The following RAP1GAP variants were observed in gnomAD, a reference collection of about 807,000 sequenced individuals.
The protein encoded by RAP1GAP is rap1 GTPase-activating protein 1.
Under a neutral mutation model 87.2 loss-of-function variants are expected in RAP1GAP, and 35 were observed. The ratio of observed to expected loss-of-function variants is 0.40; its 90% CI spans 0.31 to 0.53. The LOEUF (loss-of-function observed/expected upper bound fraction) is 0.53. Among genes scored for constraint, RAP1GAP ranks in the 20% least tolerant of loss-of-function variants. The pLI, the probability that RAP1GAP is intolerant of heterozygous loss-of-function variation, is 0.48. For missense variants in RAP1GAP, 734 were observed against 898.9 expected, an observed-to-expected ratio of 0.82 and a Z score of 2.35; for synonymous variants, 375 against 363.9, an observed-to-expected ratio of 1.03 and a Z score of -0.35.
intron 1 of RAP1GAP, among the ~76,000 whole-genome samples, chr1:21,652,862 G>A (rs1398111477): frequency 1.3e-5 from 2 of 152,082 alleles, no homozygotes; most frequent in Non-Finnish European, 2.9e-5. Context: ...CCCCCATAGA[G>A]GGAGAGATCC....
rs1206967368 is a variant in RAP1GAP at position 21,620,063 on chromosome 1, CAG to C, written c.-18-15_-18-14del. 7 of 1,613,800 alleles carry C rather than the reference CAG, an allele frequency of 4.3e-6. No individual in the cohort carries two copies. Among genetic ancestry groups the C allele is most frequent in the Non-Finnish European group, 5.9e-6 (7 of 1,179,866 alleles). ...ATAGATCTGTGTTCTGCAACAGAGACAGGGGAGAGCGAGGTCAGCTGATCCCG... is the reference window on the plus strand; with the variant it reads ...ATAGATCTGTGTTCTGCAACAGAGACGGGAGAGCGAGGTCAGCTGATCCCG... On this transcript the variant is annotated splice_polypyrimidine_tract_variant and intron_variant, in intron 3 of 24. Coordinates refer to ENST00000374765, the MANE Select transcript of RAP1GAP (RefSeq NM_002885.4).
Position 21,624,885 on chromosome 1 carries a change from AG to A in RAP1GAP, c.-19+1418del, listed in dbSNP as rs537053550. 6.6e-5 allele frequency among the ~76,000 whole-genome samples: 10 copies of A among 152,188 alleles called. No individual in the cohort carries two copies. The South Asian group carries it at 2.1e-3, about 32-fold the overall frequency. ...TCTCCTGATGGGAAGACTGAGGCCC[AG>A]GGAGGGGAAGCTGTGGTCCGAGGGC... On this transcript the variant is annotated intron_variant, in intron 3 of 24. Transcript: ENST00000374765.
rs1265312771 is a variant in RAP1GAP, at chr1:21,622,770, G to A, written c.-18-2720C>T. Among the ~76,000 whole-genome samples, 2 of 151,926 alleles carry A rather than the reference G, an allele frequency of 1.3e-5. No homozygotes were observed. The highest frequency in any genetic ancestry group is 2.9e-5 in the Non-Finnish European group (2 of 67,948). Reference sequence around the variant, plus strand: ...CCCCCCACTCGGTTCTCCCCAGCGCGCCCCCACCTCACTTTCTCCATCTTC... The same window carrying A: ...CCCCCCACTCGGTTCTCCCCAGCGCACCCCCACCTCACTTTCTCCATCTTC... On this transcript the variant is annotated intron_variant, in intron 3 of 24. Coordinates refer to ENST00000374765, the MANE Select transcript of RAP1GAP (RefSeq NM_002885.4). The surrounding 1 kb of genome is among the most constrained non-coding windows in gnomAD (Gnocchi z 5.7).
intron 1 of RAP1GAP, among the ~76,000 whole-genome samples, chr1:21,666,806 C>T (rs2152432027): frequency 6.6e-6 from 1 of 152,088 alleles, no homozygotes; most frequent in South Asian, 2.1e-4. Context: ...CGTGTTCTTC[C>T]TGCATGCGCG....
Position 21,634,665 on chromosome 1 carries a change from C to T in RAP1GAP, c.-112-8268G>A, listed in dbSNP as rs2094398990. 3.4e-6 allele frequency: 1 copy of T among 293,452 alleles called. No homozygotes were observed. The highest frequency in any genetic ancestry group is 7.5e-6 in the Non-Finnish European group (1 of 132,496). The allele number at this position is 293,452 out of a possible 1,614,324, so 18.2% of individuals were successfully genotyped here. A position where few individuals can be genotyped will look rare whatever the true frequency, so the allele number is the denominator to read the frequency against. On this transcript the variant is annotated intron_variant, in intron 2 of 24. Transcript: ENST00000374765. This position sits in a 1 kb window ranked among gnomAD's most constrained non-coding sequence, Gnocchi z 4.1. ...ATCCCGGAGCTGGGCCAGGCAGAGG[C>T]CTCCTGAACAAATAACAGGTTGGCA...
Position 21,610,093 on chromosome 1 carries a change from C to A in RAP1GAP, c.999+27G>T, listed in dbSNP as rs1396279029. 8.7e-6 allele frequency: 14 copies of A among 1,610,354 alleles called. No individual in the cohort carries two copies. The East Asian group carries it at 1.8e-4, about 21-fold the overall frequency. ...GCTGCAGCCAGGGCCCTTGCTGATGCCCCTGGGAGGCTCCAAGAGCGCCCA... is the reference window on the plus strand; with the variant it reads ...GCTGCAGCCAGGGCCCTTGCTGATGACCCTGGGAGGCTCCAAGAGCGCCCA... On this transcript the variant is annotated intron_variant, in intron 14 of 24. Transcript: ENST00000374765.
intron 2 of RAP1GAP, among the ~76,000 whole-genome samples, chr1:21,642,295 C>T (rs1251369999): frequency 6.6e-5 from 10 of 152,250 alleles, no homozygotes; most frequent in Admixed American, 6.5e-4. Flanking sequence ...TAACCATGAC[C>T]GCGATGATGG....
chr1:21,644,882 CAG>C (rs2095869761), intron 2 of RAP1GAP, among the ~76,000 whole-genome samples: 1 of 119,518 alleles, frequency 8.4e-6, no homozygotes, highest in Admixed American at 1.0e-4. Context: ...GCCTGGGTAA[CAG>C]AGTGAGACCC....
chr1:21,669,215 C>G lies in RAP1GAP; in HGVS notation c.-149+39G>C, dbSNP rs2097503190. On this transcript the variant is annotated intron_variant, in intron 1 of 24. Transcript: ENST00000374765. This position sits in a 1 kb window ranked among gnomAD's most constrained non-coding sequence, Gnocchi z 5.6. ...GGAGTCTGGACACCTCTGTCCCCTTCCCCTTTCCAGGGCCGCAGCCCTGGC... is the reference window on the plus strand; with the variant it reads ...GGAGTCTGGACACCTCTGTCCCCTTGCCCTTTCCAGGGCCGCAGCCCTGGC... 8.0e-7 allele frequency: 1 copy of G among 1,252,652 alleles called. No individual in the cohort carries two copies. Among genetic ancestry groups the G allele is most frequent in the South Asian group, 1.3e-5 (1 of 78,256 alleles). 77.6% of individuals were successfully genotyped at this position (1,252,652 alleles called of 1,614,324 possible).
At chr1:21,650,918 C>A (rs963244856) in intron 1 of RAP1GAP, among the ~76,000 whole-genome samples, 25 of 151,948 alleles carry the variant, frequency 1.6e-4, no homozygotes, top group African/African-American at 5.8e-4. Flanking sequence ...TCAGAGAACA[C>A]TGACCATGCC....
At position 21,649,699 on chromosome 1, in the gene RAP1GAP, G is replaced by T. The variant is rs2096402882; in HGVS notation, c.-113+62C>A. On this transcript the variant is annotated intron_variant, in intron 2 of 24. Transcript: ENST00000374765. ...GGCATCGCAGGGGTAGGAATGGATT[G>T]GGGGTATCTGCAGGGACCAGCCAAG... The T allele has an allele frequency of 2.7e-6, 4 of 1,495,114 alleles. No homozygotes were observed. In the South Asian group the frequency reaches 4.8e-5, roughly 18 times the overall value. The allele number at this position is 1,495,114 out of a possible 1,614,324, so 92.6% of individuals were successfully genotyped here.
Position 21,603,945 on chromosome 1 carries a change from G to T in RAP1GAP, c.1429-1032C>A. On this transcript the variant is annotated intron_variant, in intron 18 of 24. Coordinates refer to ENST00000374765, the MANE Select transcript of RAP1GAP (RefSeq NM_002885.4). This position sits in a 1 kb window ranked among gnomAD's most constrained non-coding sequence, Gnocchi z 6.0. ...GCAGCAGAGGGCGGGGGCAGAGAGAGAGAGACAGAGAGAGAGTCAGAGAGC... is the reference window on the plus strand; with the variant it reads ...GCAGCAGAGGGCGGGGGCAGAGAGATAGAGACAGAGAGAGAGTCAGAGAGC... The T allele has an allele frequency of 7.0e-7, 1 of 1,430,262 alleles. No individual in the cohort carries two copies. Among genetic ancestry groups the T allele is most frequent in the Non-Finnish European group, 9.5e-7 (1 of 1,055,452 alleles). 88.6% of individuals were successfully genotyped at this position (1,430,262 alleles called of 1,614,324 possible). A position where few individuals can be genotyped will look rare whatever the true frequency, so the allele number is the denominator to read the frequency against.
intron 19 of RAP1GAP, 52 bp from the exon 20 acceptor site, chr1:21,601,849 G>A: frequency 7.4e-7 from 1 of 1,354,142 alleles, no homozygotes; most frequent in Non-Finnish European, 1.0e-6. Context: ...CCTGGCATCA[G>A]GCGTAGCGTG....
At position 21,608,874 on chromosome 1, in the gene RAP1GAP, C is replaced by A; in HGVS notation, c.1134G>T (p.Lys378Asn). Reference sequence around the variant, plus strand: ...CCTCCAGTTTGGCAAACTTCTCTGCCTTGTAGCAGGCATATTCAGCATTGA... The same window carrying A: ...CCTCCAGTTTGGCAAACTTCTCTGCATTGTAGCAGGCATATTCAGCATTGA... ...KLINAEYACY[K>N]AEKFAKLEER... The change falls in exon 16 of 25, where the codon AAG (lysine) becomes AAT (asparagine). Residue 378 changes from lysine to asparagine, a missense_variant. Around this residue, in one of 2 missense-constraint regions of RAP1GAP, gnomAD observed 485 missense variants for 646.2 expected, o/e 0.75. Transcript: ENST00000374765. The A allele has an allele frequency of 6.2e-7, 1 of 1,614,158 alleles. No homozygotes were observed. Among genetic ancestry groups the A allele is most frequent in the Admixed American group, 1.7e-5 (1 of 60,034 alleles).
intron 20 of RAP1GAP, among the ~76,000 whole-genome samples, chr1:21,600,680 A>G (rs1461914504): frequency 2.0e-5 from 3 of 152,004 alleles, no homozygotes; most frequent in African/African-American, 7.2e-5. Flanking sequence ...AGATCGGGAG[A>G]TCAAGACCAT....
At position 21,634,618 on chromosome 1, in the gene RAP1GAP, G is replaced by A. The variant is rs1214423044; in HGVS notation, c.-112-8221C>T. Reference sequence around the variant, plus strand: ...GGGGCCGCCACCCTCGCCCCATGCTGGCTGCATGCCGAGACACCCGGATCC... The same window carrying A: ...GGGGCCGCCACCCTCGCCCCATGCTAGCTGCATGCCGAGACACCCGGATCC... On this transcript the variant is annotated intron_variant, in intron 2 of 24. Transcript: ENST00000374765. The surrounding 1 kb of genome is among the most constrained non-coding windows in gnomAD (Gnocchi z 4.1). The A allele has an allele frequency of 9.1e-6, 2 of 219,680 alleles. No individual in the cohort carries two copies. Among genetic ancestry groups the A allele is most frequent in the Admixed American group, 9.2e-5 (2 of 21,784 alleles). 13.6% of individuals were successfully genotyped at this position (219,680 alleles called of 1,614,324 possible). A position where few individuals can be genotyped will look rare whatever the true frequency, so the allele number is the denominator to read the frequency against.
At chr1:21,606,561 C>G (rs1249367038) in intron 17 of RAP1GAP, among the ~76,000 whole-genome samples, 1 of 152,216 alleles carries the variant, frequency 6.6e-6, no homozygotes, top group Admixed American at 6.5e-5. Context: ...GCAGAAGACA[C>G]TGGGTCATGG....
Position 21,629,202 on chromosome 1 carries a change from G to T in RAP1GAP, c.-112-2805C>A, listed in dbSNP as rs1441356457. Among the ~76,000 whole-genome samples, 3 of 152,176 alleles carry T rather than the reference G, an allele frequency of 2.0e-5. No homozygotes were observed. The East Asian group carries it at 5.8e-4, about 29-fold the overall frequency. ...GGTGGAGGGCAGAGGCTGCCTGGGG[G>T]TCAGGAAGTCCTGGGGTAGAAGCCC... On this transcript the variant is annotated intron_variant, in intron 2 of 24. Transcript: ENST00000374765.
At chr1:21,647,577 C>T (rs1308523901) in intron 2 of RAP1GAP, among the ~76,000 whole-genome samples, 1 of 152,208 alleles carries the variant, frequency 6.6e-6, no homozygotes, top group East Asian at 1.9e-4. Context: ...CCCGGAAATG[C>T]CCTATTCAAC....
Sources: allele counts gnomAD v4.1 joint callset (sites outside exome capture counted in the v4.1 genomes callset), GRCh38; gene constraint gnomAD v4.1.1; regional missense constraint gnomAD v4.1.1; non-coding constraint Gnocchi (gnomAD v3.1); transcripts MANE v1.5; gene names NCBI Gene and HGNC (gene_info 2026-07-23, HGNC 2026-07-21).